Variants in PHKA2 observed in about 807,000 individuals in gnomAD.
PHKA2 encodes phosphorylase b kinase regulatory subunit alpha, liver isoform.
A neutral mutation model predicts 102.0 loss-of-function variants in PHKA2; 31 were observed. The observed-to-expected ratio is 0.30, with a 90% CI of 0.23 to 0.41. PHKA2 has a LOEUF of 0.41. Among genes scored for constraint, PHKA2 ranks in the 10% least tolerant of loss-of-function variants. The pLI, the probability that PHKA2 is intolerant of heterozygous loss-of-function variation, is 1.00. For synonymous variants in PHKA2, 455 were observed against 416.2 expected (o/e 1.09, Z -1.13); for missense variants, 858 against 1,023.1 (o/e 0.84, Z 2.20).
chrX:18,929,332 A>G (rs1391752998), intron 12 of PHKA2, 26 bp from the exon 13 acceptor site: 2 of 986,467 alleles, frequency 2.0e-6, no homozygotes, highest in African/African-American at 3.8e-5. Context: ...CATTAACACT[A>G]TGAAATATTG....
intron 1 of PHKA2, among the ~76,000 whole-genome samples, chrX:18,983,636 G>C (rs754506383): frequency 8.9e-6 from 1 of 112,465 alleles, no homozygotes; most frequent in Non-Finnish European, 1.9e-5. Context: ...AATGGCCAAA[G>C]AATTCTGTGA....
rs777999140 is a variant in PHKA2, at chrX:18,948,732, G to C, written c.537+12C>G. On this transcript the variant is annotated intron_variant, in intron 5 of 32. Transcript: ENST00000379942. ...TGGAACATCTGAAAAGACTACCAGG[G>C]TTGATACTTACAGCGACTTTATATG... is the stretch of plus-strand genomic sequence containing the variant. 5 of 1,090,978 alleles carry C rather than the reference G, an allele frequency of 4.6e-6. No individual in the cohort carries two copies. The Admixed American group carries it at 1.1e-4, about 24-fold the overall frequency. 89.9% of individuals were successfully genotyped at this position (1,090,978 alleles called of 1,213,427 possible). A position where few individuals can be genotyped will look rare whatever the true frequency, so the allele number is the denominator to read the frequency against.
rs376018294 is a variant in PHKA2, at chrX:18,897,313, C to A, written c.3132G>T (p.Ser1044=). The change falls in exon 30 of 33, where the codon TCG becomes TCT. Residue 1044 remains serine (S), a synonymous_variant. Transcript: ENST00000379942. The part of the protein sequence containing the change: ...SKSARSSTPS[S]PTGTSSSDSG... ...AGTCTGAGGATGACGTGCCAGTGGGCGAGGATGGGGTGCTGGACCTCTGCA... is the reference window on the plus strand; with the variant it reads ...AGTCTGAGGATGACGTGCCAGTGGGAGAGGATGGGGTGCTGGACCTCTGCA... The A allele has an allele frequency of 8.3e-7, 1 of 1,209,194 alleles. No homozygotes were observed. The highest frequency in any genetic ancestry group is 1.8e-5 in the South Asian group (1 of 56,817).
chrX:18,900,228 A>G (rs187464980), intron 28 of PHKA2, among the ~76,000 whole-genome samples: 57 of 111,488 alleles, frequency 5.1e-4, no homozygotes, highest in Non-Finnish European at 8.7e-4. Flanking sequence ...GGGGGTGGAG[A>G]ACATATGTCA....
chrX:18,921,228 G>C (rs1012157571), intron 17 of PHKA2, among the ~76,000 whole-genome samples: 1 of 111,477 alleles, frequency 9.0e-6, no homozygotes, highest in East Asian at 2.8e-4. Flanking sequence ...TCAGGAGTTT[G>C]AGACCACCCT....
intron 12 of PHKA2, among the ~76,000 whole-genome samples, chrX:18,931,173 C>T (rs1051527167): frequency 8.9e-6 from 1 of 112,476 alleles, no homozygotes; most frequent in Non-Finnish European, 1.9e-5. Context: ...CGGGGCAACA[C>T]CTGACACAAA....
rs1239892197 is a variant in PHKA2 at position 18,907,091 on chromosome X, T to C, written c.2524A>G (p.Thr842Ala). 1 of 1,179,852 alleles carries C rather than the reference T, an allele frequency of 8.5e-7. No individual in the cohort carries two copies. Among genetic ancestry groups the C allele is most frequent in the Admixed American group, 2.4e-5 (1 of 41,583 alleles). The part of the protein sequence containing the change: ...KKVEVLAEAC[T>A]DLLSHQKQLT... ...TGCTTCTGGTGCGAAAGCAGGTCTG[T>C]GCAGGCCTGCGCAGTTAAGGGGAAG... Residue 842 changes from threonine to alanine, a missense_variant, in exon 23 of 33, where the codon ACA becomes GCA. Thr to Ala is a moderately conservative substitution (Grantham distance 58, BLOSUM62 0). This residue lies in a region of PHKA2 where 671 missense variants were observed against 745.2 expected (regional missense o/e 0.90). Transcript: ENST00000379942.
chrX:18,979,519 A>G (rs1385652373), intron 1 of PHKA2, among the ~76,000 whole-genome samples: 2 of 112,133 alleles, frequency 1.8e-5, no homozygotes, highest in Non-Finnish European at 3.8e-5. Flanking sequence ...AAAAATGTAC[A>G]AAGTTCATAT....
At chrX:18,970,346 T>C (rs932739564) in intron 1 of PHKA2, among the ~76,000 whole-genome samples, 1 of 112,820 alleles carries the variant, frequency 8.9e-6, no homozygotes, top group African/African-American at 3.2e-5. Flanking sequence ...CTTATTTTTG[T>C]GGTGAGAACA....
intron 1 of PHKA2, among the ~76,000 whole-genome samples, chrX:18,959,663 T>C (rs1457176127): frequency 9.0e-6 from 1 of 111,339 alleles, no homozygotes. Context: ...AAAAAAATCA[T>C]GACTAAATTA....
At chrX:18,935,072 G>A (rs1436513590) in intron 11 of PHKA2, among the ~76,000 whole-genome samples, 1 of 112,278 alleles carries the variant, frequency 8.9e-6, no homozygotes, top group East Asian at 2.8e-4. Context: ...AGGCCCTGGC[G>A]ATTTTGGGGA....
At chrX:18,899,031 T>C (rs2047626149) in intron 29 of PHKA2, 142 bp downstream of exon 29, 1 of 544,225 alleles carries the variant, frequency 1.8e-6, no homozygotes, top group Non-Finnish European at 3.2e-6. Context: ...TCCTCAGAAT[T>C]CCAGTTGGAG....
At chrX:18,947,173 CA>C (rs1386183530) in intron 5 of PHKA2, among the ~76,000 whole-genome samples, 3 of 112,213 alleles carry the variant, frequency 2.7e-5, no homozygotes, top group African/African-American at 9.7e-5. Flanking sequence ...TTTCATGCTA[CA>C]AAGGCAGAGC....
chrX:18,978,672 CA>C (rs1185280341), intron 1 of PHKA2, among the ~76,000 whole-genome samples: 1 of 111,175 alleles, frequency 9.0e-6, no homozygotes, highest in Non-Finnish European at 1.9e-5. Flanking sequence ...GAGATCGCAC[CA>C]CTGCACTCCA....
chrX:18,895,203 A>G lies in PHKA2; in HGVS notation c.3283-12T>C, dbSNP rs1372781723. ...GAGAGACCGTGGCACTGGAGGCAGA[A>G]TAGAGCGCATTTCAGTCAGATTCCA... On this transcript the variant is annotated splice_polypyrimidine_tract_variant and intron_variant, in intron 30 of 32. Coordinates refer to ENST00000379942, the MANE Select transcript of PHKA2 (RefSeq NM_000292.3). 1 of 1,204,403 alleles carries G rather than the reference A, an allele frequency of 8.3e-7. No homozygotes were observed.
At position 18,931,671 on chromosome X, in the gene PHKA2, G is replaced by C. The variant is rs368320508; in HGVS notation, c.1215C>G (p.Ser405=). 4 of 1,204,230 alleles carry C rather than the reference G, an allele frequency of 3.3e-6. No individual in the cohort carries two copies. Among genetic ancestry groups the C allele is most frequent in the Non-Finnish European group, 4.5e-6 (4 of 889,979 alleles). ...CCAACAGCGAGCTGAGGATGTACAA[G>C]GATTGGCCCCACAGATGAGGCACCT... The part of the protein sequence containing the change: ...MGKVPHLWGQ[S]LYILSSLLAE... The change falls in exon 12 of 33, where the codon TCC becomes TCG. Residue 405 remains serine, a synonymous_variant. Coordinates refer to ENST00000379942, the MANE Select transcript of PHKA2 (RefSeq NM_000292.3).
intron 1 of PHKA2, among the ~76,000 whole-genome samples, chrX:18,966,087 TTTTTG>T (rs2048938356): frequency 1.9e-5 from 2 of 104,164 alleles, no homozygotes; most frequent in African/African-American, 3.7e-5. Context: ...TTTTGTTTTT[TTTTTG>T]TTTTTTTTTT....
At chrX:18,963,762 A>G (rs1376053861) in intron 1 of PHKA2, among the ~76,000 whole-genome samples, 1 of 112,207 alleles carries the variant, frequency 8.9e-6, no homozygotes, top group Non-Finnish European at 1.9e-5. Context: ...TGGTAGCAGC[A>G]AACTACTTAT....
At chrX:18,907,164 G>A (rs2047836403) in intron 22 of PHKA2, 67 bp from the exon 23 acceptor site, 2 of 775,825 alleles carry the variant, frequency 2.6e-6, no homozygotes, top group East Asian at 3.4e-5. Flanking sequence ...CGACAGACAG[G>A]CAGTGGGGAG....
Sources: gnomAD v4.1 joint callset for allele counts (sites outside exome capture counted in the v4.1 genomes callset) on GRCh38, gnomAD v4.1.1 for gene constraint, gnomAD v4.1.1 regional missense constraint, MANE v1.5 for transcripts, NCBI Gene and HGNC (gene_info 2026-07-23, HGNC 2026-07-21) for gene names.